Variants in TBC1D14 observed in about 807,000 individuals in gnomAD.
TBC1D14 encodes TBC1 domain family, member 14.
In TBC1D14, 26 loss-of-function variants were observed where a neutral mutation model predicts 79.0. That is an observed-to-expected ratio of 0.33 (90% CI 0.24 to 0.46). TBC1D14 has a LOEUF of 0.46. TBC1D14 is among the 20% of genes least tolerant of loss of function. The pLI is 1.00. For synonymous variants in TBC1D14, 394 were observed against 349.9 expected (o/e 1.13, Z -1.40); for missense variants, 769 against 887.6 (o/e 0.87, Z 1.70).
rs528981843 is a variant in TBC1D14 at position 6,917,013 on chromosome 4, C to T, written c.-17-6360C>T. ...TTTCCTGACCATCATGTGTTGACAG[C>T]GTTCCTCACCATCTGGTCTAGCCCC... is the stretch of plus-strand genomic sequence containing the variant. On this transcript the variant is annotated intron_variant, in intron 1 of 13. Coordinates refer to ENST00000409757, the MANE Select transcript of TBC1D14 (RefSeq NM_020773.3). Among the ~76,000 whole-genome samples the T allele has an allele frequency of 4.6e-5, 7 of 152,330 alleles. No homozygotes were observed. The East Asian group carries it at 1.2e-3, about 25-fold the overall frequency.
chr4:6,920,839 C>T (rs538155252), intron 1 of TBC1D14, among the ~76,000 whole-genome samples: 4 of 151,898 alleles, frequency 2.6e-5, no homozygotes, highest in African/African-American at 7.3e-5. Flanking sequence ...AGTGCAGTGG[C>T]GCGATCTCCG....
chr4:7,024,859 G>A (rs2109314754), intron 12 of TBC1D14, 145 bp from the exon 13 acceptor site: 1 of 1,012,038 alleles, frequency 9.9e-7, no homozygotes, highest in South Asian at 1.5e-5. Context: ...TTACCCTTCA[G>A]TGTGAGTGCA....
intron 2 of TBC1D14, among the ~76,000 whole-genome samples, chr4:6,958,906 C>T (rs902962283): frequency 4.7e-5 from 7 of 147,450 alleles, no homozygotes; most frequent in African/African-American, 1.5e-4. Flanking sequence ...TTTTTTGAGA[C>T]GGAGTCTCGC....
At chr4:7,020,410 A>G (rs1721712714) in intron 12 of TBC1D14, among the ~76,000 whole-genome samples, 1 of 152,216 alleles carries the variant, frequency 6.6e-6, no homozygotes, top group Admixed American at 6.5e-5. Flanking sequence ...CTTACCTAGC[A>G]CTGTCTAATC....
At chr4:6,919,897 GCGTGAGCCAC>G (rs528808396) in intron 1 of TBC1D14, among the ~76,000 whole-genome samples, 87 of 152,380 alleles carry the variant, frequency 5.7e-4, no homozygotes, top group African/African-American at 2.0e-3. Context: ...GGGATTACAG[GCGTGAGCCAC>G]CGTGCCCGGC....
At chr4:6,998,898 A>G in intron 5 of TBC1D14, 187 bp from the exon 6 acceptor site, 1 of 582,458 alleles carries the variant, frequency 1.7e-6, no homozygotes, top group East Asian at 3.0e-5. Context: ...TTGCAAGCTT[A>G]CTAAAGGGTG....
At chr4:6,911,815 C>T (rs377010860) in intron 1 of TBC1D14, among the ~76,000 whole-genome samples, 13 of 152,336 alleles carry the variant, frequency 8.5e-5, no homozygotes, top group African/African-American at 3.1e-4. Flanking sequence ...CCAGCCTCAG[C>T]ACAGGGGATG....
chr4:6,929,324 G>A (rs1711530435), intron 2 of TBC1D14, among the ~76,000 whole-genome samples: 1 of 152,204 alleles, frequency 6.6e-6, no homozygotes, highest in East Asian at 1.9e-4. Context: ...CAGTTGTCAG[G>A]GAGTAAGGAA....
chr4:6,949,704 C>G (rs1713844012), intron 2 of TBC1D14, among the ~76,000 whole-genome samples: 1 of 148,204 alleles, frequency 6.7e-6, no homozygotes, highest in South Asian at 2.1e-4. Flanking sequence ...AAAATTGAAT[C>G]CTTGAACCTC....
chr4:6,999,395 C>T (rs949923724), intron 6 of TBC1D14, among the ~76,000 whole-genome samples, 193 bp downstream of exon 6: 3 of 152,088 alleles, frequency 2.0e-5, no homozygotes, highest in Admixed American at 6.5e-5. Flanking sequence ...CCCTTCCCCT[C>T]CCTTCCAGTT....
rs944688981 is a variant in TBC1D14 at position 6,916,171 on chromosome 4, A to G, written c.-18+6220A>G. On this transcript the variant is annotated intron_variant, in intron 1 of 13. Transcript: ENST00000409757. Reference sequence around the variant, plus strand: ...GATAAGAATCCGGAAGTCAGTGGCCAGAGCTGGGTTGATGGCAGGCTTGGC... The same window carrying G: ...GATAAGAATCCGGAAGTCAGTGGCCGGAGCTGGGTTGATGGCAGGCTTGGC... Among the ~76,000 whole-genome samples, 72 of 149,496 alleles carry G rather than the reference A, an allele frequency of 4.8e-4. 1 individual carries two copies. The highest frequency in any genetic ancestry group is 3.5e-3 in the Middle Eastern group (1 of 282).
Position 7,003,118 on chromosome 4 carries a change from A to G in TBC1D14, c.1271-1726A>G, listed in dbSNP as rs1719835331. On this transcript the variant is annotated intron_variant, in intron 7 of 13. Coordinates refer to ENST00000409757, the MANE Select transcript of TBC1D14 (RefSeq NM_020773.3). ...AACTTCAGTTTTAGGGCCCCAGTCAATCTTGTACTTTGACATTGGAGCAGG... is the reference window on the plus strand; with the variant it reads ...AACTTCAGTTTTAGGGCCCCAGTCAGTCTTGTACTTTGACATTGGAGCAGG... 2.6e-5 allele frequency among the ~76,000 whole-genome samples: 4 copies of G among 152,298 alleles called. No homozygotes were observed. The South Asian group carries it at 8.3e-4, about 32-fold the overall frequency.
chr4:6,978,423 G>A (rs1717025485), intron 3 of TBC1D14, among the ~76,000 whole-genome samples: 1 of 150,478 alleles, frequency 6.6e-6, no homozygotes, highest in Non-Finnish European at 1.5e-5. Flanking sequence ...TTGGGATCCT[G>A]TTGATCTGTG....
At chr4:6,917,514 T>C (rs1157186793) in intron 1 of TBC1D14, among the ~76,000 whole-genome samples, 6 of 152,062 alleles carry the variant, frequency 3.9e-5, no homozygotes, top group Admixed American at 3.9e-4. Flanking sequence ...TGCCACACCC[T>C]ACTGGGACTC....
chr4:7,020,948 G>A (rs1036589832), intron 12 of TBC1D14, among the ~76,000 whole-genome samples: 15 of 152,192 alleles, frequency 9.9e-5, no homozygotes, highest in South Asian at 4.1e-4. Context: ...CAAGGATTCA[G>A]ATGAACAGTC....
rs1560299728 is a variant in TBC1D14, at chr4:6,977,081, CCCTCTCCCCACTG to C, written c.843+9658_843+9670del. 7.0e-3 allele frequency among the ~76,000 whole-genome samples: 97 copies of C among 13,950 alleles called. 2 individuals carry two copies. The highest frequency in any genetic ancestry group is 0.011 in the African/African-American group (89 of 8,352). The allele number at this position is 13,950 out of a possible 152,430, so 9.2% of individuals were successfully genotyped here. On this transcript the variant is annotated intron_variant, in intron 3 of 13. Transcript: ENST00000409757. ...CTCTCCCTCCTCTCCCTCTCCCTCT[CCCTCTCCCCACTG>C]TCTCCCTCTCCCCACGGTCTCCCTC...
Position 6,923,546 on chromosome 4 carries a change from A to G in TBC1D14, c.157A>G (p.Arg53Gly), listed in dbSNP as rs1282188532. The change falls in exon 2 of 14, where the codon AGG becomes GGG. Residue 53 changes from arginine to glycine, a missense_variant. Physicochemically the swap from Arg to Gly is moderately radical, Grantham distance 125 (BLOSUM62 -2). This residue lies in a region of TBC1D14 where 402 missense variants were observed against 393.2 expected (regional missense o/e 1.02). Coordinates refer to ENST00000409757, the MANE Select transcript of TBC1D14 (RefSeq NM_020773.3). ...TGAGTACGGGCCCAAGCTGAAACTCAGGGCTTTAGAAGACCGGCACAGCCT... is the reference window on the plus strand; with the variant it reads ...TGAGTACGGGCCCAAGCTGAAACTCGGGGCTTTAGAAGACCGGCACAGCCT... ...APEYGPKLKL[R>G]ALEDRHSLQS... 6 of 1,614,040 alleles carry G rather than the reference A, an allele frequency of 3.7e-6. No homozygotes were observed. Among genetic ancestry groups the G allele is most frequent in the Non-Finnish European group, 2.5e-6 (3 of 1,180,038 alleles).
In TBC1D14 at chr4:6,999,209, T is replaced by C. The variant is rs764200652; in HGVS notation, c.1163+7T>C. ...TACCTAACTGGGAAACAATGTAAGA[T>C]GTGGCTCTGGGTGTGGCTGAACTGC... On this transcript the variant is annotated splice_region_variant and intron_variant, in intron 6 of 13. Coordinates refer to ENST00000409757, the MANE Select transcript of TBC1D14 (RefSeq NM_020773.3). 4 of 1,611,190 alleles carry C rather than the reference T, an allele frequency of 2.5e-6. No individual in the cohort carries two copies. The Admixed American group carries it at 5.0e-5, about 20-fold the overall frequency.
chr4:6,951,772 C>G (rs1309324694), intron 2 of TBC1D14, among the ~76,000 whole-genome samples: 2 of 152,160 alleles, frequency 1.3e-5, no homozygotes, highest in African/African-American at 4.8e-5. Context: ...GTATTTCTTC[C>G]TTAATGTTTG....
Sources: allele counts gnomAD v4.1 joint callset (sites outside exome capture counted in the v4.1 genomes callset), GRCh38; gene constraint gnomAD v4.1.1; regional missense constraint gnomAD v4.1.1; transcripts MANE v1.5; gene names NCBI Gene and HGNC (gene_info 2026-07-23, HGNC 2026-07-21).